DLG2: variants seen among roughly 807,000 people sequenced by gnomAD.
DLG2 encodes disks large homolog 2.
In DLG2, 45 loss-of-function variants were observed where a neutral mutation model predicts 132.5. The ratio of observed to expected loss-of-function variants is 0.34; its 90% CI spans 0.27 to 0.44. The LOEUF is 0.44. Among genes scored for constraint, DLG2 ranks in the 20% least tolerant of loss-of-function variants. The pLI is 1.00. For missense variants in DLG2, 1,045 were observed against 1,196.9 expected, an observed-to-expected ratio of 0.87 and a Z score of 1.87; for synonymous variants, 424 against 419.6, an observed-to-expected ratio of 1.01 and a Z score of -0.13.
At chr11:84,914,887 C>G (rs907445490) in intron 6 of DLG2, among the ~76,000 whole-genome samples, 5 of 152,126 alleles carry the variant, frequency 3.3e-5, no homozygotes, top group African/African-American at 1.2e-4. Flanking sequence ...CAGTGCCTGA[C>G]TCATCATAAA....
intron 9 of DLG2, among the ~76,000 whole-genome samples, chr11:84,122,238 T>C (rs1566597512): frequency 1.3e-5 from 2 of 152,078 alleles, no homozygotes; most frequent in African/African-American, 2.4e-5. Context: ...GAAAATTTCT[T>C]GAATCCAGGA....
intron 3 of DLG2, among the ~76,000 whole-genome samples, chr11:85,423,445 G>A (rs1451490400): frequency 1.3e-5 from 2 of 152,192 alleles, no homozygotes; most frequent in African/African-American, 4.8e-5. Context: ...AGTATCAGCT[G>A]TGGTAATATG....
intron 3 of DLG2, among the ~76,000 whole-genome samples, chr11:85,394,830 C>T (rs1317388685): frequency 1.3e-5 from 2 of 152,144 alleles, no homozygotes; most frequent in African/African-American, 2.4e-5. Flanking sequence ...ATTCCTACTT[C>T]ATTTACTGTT....
chr11:85,486,955 C>G (rs2093443002), intron 3 of DLG2, among the ~76,000 whole-genome samples: 1 of 150,976 alleles, frequency 6.6e-6, no homozygotes, highest in Admixed American at 6.6e-5. Context: ...TGTCCTAGTC[C>G]CATGCATAAC....
In DLG2 at chr11:84,312,667, C is replaced by T. The variant is rs376970734; in HGVS notation, c.520-61376G>A. Among the ~76,000 whole-genome samples, 71 of 152,182 alleles carry T rather than the reference C, an allele frequency of 4.7e-4. 1 individual carries two copies. The South Asian group carries it at 0.013, about 28-fold the overall frequency. ...TGCTTCGCTTCTAAGTTGTGACTTA[C>T]GATGATATAATTATTTGTATATCAT... is the stretch of plus-strand genomic sequence containing the variant. On this transcript the variant is annotated intron_variant, in intron 7 of 27. Transcript: ENST00000376104.
At chr11:85,433,509 A>G (rs1489120562) in intron 3 of DLG2, among the ~76,000 whole-genome samples, 1 of 151,984 alleles carries the variant, frequency 6.6e-6, no homozygotes, top group Non-Finnish European at 1.5e-5. Context: ...AGCAGAGACT[A>G]GTTTTGTCCT....
chr11:85,330,777 TAA>T (rs1278273258), intron 3 of DLG2, among the ~76,000 whole-genome samples: 4 of 43,320 alleles, frequency 9.2e-5, no homozygotes, highest in African/African-American at 4.0e-4. Context: ...TAGAGTATAA[TAA>T]AAAAAAAAAA....
At chr11:84,497,359 A>G (rs932944317) in intron 7 of DLG2, among the ~76,000 whole-genome samples, 1 of 152,126 alleles carries the variant, frequency 6.6e-6, no homozygotes, top group Admixed American at 6.5e-5. Flanking sequence ...AGCTCTCCCA[A>G]TATTAGATTA....
chr11:84,252,197 T>C (rs1027569028), intron 7 of DLG2, among the ~76,000 whole-genome samples: 22 of 138,338 alleles, frequency 1.6e-4, no homozygotes, highest in Non-Finnish European at 3.2e-4. Flanking sequence ...TCGCCCATGC[T>C]GGAGTGTGCA....
intron 3 of DLG2, among the ~76,000 whole-genome samples, chr11:85,481,436 G>A (rs1474263167): frequency 6.6e-6 from 1 of 152,178 alleles, no homozygotes; most frequent in Non-Finnish European, 1.5e-5. Flanking sequence ...AAGAAAACAT[G>A]CATGGAAGAG....
chr11:85,190,699 A>G (rs1256008515), intron 4 of DLG2, among the ~76,000 whole-genome samples: 1 of 152,154 alleles, frequency 6.6e-6, no homozygotes, highest in Non-Finnish European at 1.5e-5. Context: ...CCCCACAGAA[A>G]TACAAAAGCT....
At chr11:84,605,151 A>C (rs981854179) in intron 6 of DLG2, among the ~76,000 whole-genome samples, 2 of 151,942 alleles carry the variant, frequency 1.3e-5, no homozygotes, top group Non-Finnish European at 2.9e-5. Context: ...TAATGCCATA[A>C]ATTATTTAAA....
chr11:84,770,999 C>T (rs545033374), intron 6 of DLG2, among the ~76,000 whole-genome samples: 31 of 152,156 alleles, frequency 2.0e-4, no homozygotes, highest in Non-Finnish European at 2.9e-4. Context: ...TGTATACGTA[C>T]GCCATTTTCT....
intron 21 of DLG2, among the ~76,000 whole-genome samples, chr11:83,518,020 C>T (rs2095355130): frequency 6.6e-6 from 1 of 152,178 alleles, no homozygotes; most frequent in African/African-American, 2.4e-5. Flanking sequence ...AAGGTGCATG[C>T]TGGGAGAACC....
At chr11:84,490,562 G>A (rs1033513093) in intron 7 of DLG2, among the ~76,000 whole-genome samples, 1 of 146,468 alleles carries the variant, frequency 6.8e-6, no homozygotes, top group Non-Finnish European at 1.5e-5. Context: ...TTGGTCCCTG[G>A]AAATAGGCTA....
At chr11:83,479,910 C>T (rs1371613270) in intron 22 of DLG2, among the ~76,000 whole-genome samples, 1 of 152,004 alleles carries the variant, frequency 6.6e-6, no homozygotes, top group Non-Finnish European at 1.5e-5. Context: ...AAGATTCAAA[C>T]CTGATTTTAA....
chr11:84,453,807 T>C (rs2099058046), intron 7 of DLG2, among the ~76,000 whole-genome samples: 1 of 151,668 alleles, frequency 6.6e-6, no homozygotes, highest in South Asian at 2.1e-4. Context: ...ATCTCTGCTC[T>C]TAACCACAAG....
At position 84,342,648 on chromosome 11, in the gene DLG2, C is replaced by T. The variant is rs181735908; in HGVS notation, c.520-91357G>A. Among the ~76,000 whole-genome samples the T allele has an allele frequency of 2.3e-3, 357 of 152,176 alleles. 2 individuals are homozygous for T. The highest frequency in any genetic ancestry group is 2.4e-3 in the Non-Finnish European group (166 of 68,016). On this transcript the variant is annotated intron_variant, in intron 7 of 27. Coordinates refer to ENST00000376104, the MANE Select transcript of DLG2 (RefSeq NM_001142699.3). ...GGACATGTATATAAAGCATTTAGCA[C>T]AATACATTACCCCAAACCATAGCTA... is the stretch of plus-strand genomic sequence containing the variant.
At chr11:84,379,256 C>T (rs1456168854) in intron 7 of DLG2, among the ~76,000 whole-genome samples, 1 of 152,002 alleles carries the variant, frequency 6.6e-6, no homozygotes, top group Non-Finnish European at 1.5e-5. Flanking sequence ...AAATAATATA[C>T]AATATGTTCT....
Sources: gnomAD v4.1 joint callset for allele counts (sites outside exome capture counted in the v4.1 genomes callset) on GRCh38, gnomAD v4.1.1 for gene constraint, MANE v1.5 for transcripts, NCBI Gene and HGNC (gene_info 2026-07-23, HGNC 2026-07-21) for gene names.